ZSCAN5A: variants seen among roughly 807,000 people sequenced by gnomAD.
ZSCAN5A encodes the protein zinc finger and SCAN domain-containing protein 5A.
In ZSCAN5A, 12 loss-of-function variants were observed where a neutral mutation model predicts 23.7. The ratio of observed to expected loss-of-function variants is 0.51; its 90% CI spans 0.32 to 0.82. The LOEUF is 0.82. Among genes scored for constraint, ZSCAN5A ranks in the 40% least tolerant of loss-of-function variants. The pLI is 0.03. For missense variants in ZSCAN5A, 597 were observed against 617.9 expected (o/e 0.97, Z 0.36); for synonymous variants, 257 against 239.9 (o/e 1.07, Z -0.66).
At chr19:56,334,620 G>T (rs2147440757) in intron 2 of ZSCAN5A, among the ~76,000 whole-genome samples, 1 of 152,206 alleles carries the variant, frequency 6.6e-6, no homozygotes, top group East Asian at 1.9e-4. Context: ...CAAATATAGA[G>T]CTCCCAGAGG....
intron 2 of ZSCAN5A, among the ~76,000 whole-genome samples, chr19:56,348,556 G>A (rs1417113170): frequency 1.3e-5 from 2 of 152,178 alleles, no homozygotes; most frequent in African/African-American, 4.8e-5. Context: ...TCAATTAGCT[G>A]AGCTAATAGC....
At chr19:56,302,091 A>G (rs920017516) in intron 2 of ZSCAN5A, 17 of 1,231,740 alleles carry the variant, frequency 1.4e-5, no homozygotes, top group South Asian at 8.2e-5. Context: ...AACAAAGGGG[A>G]CTGGGTAAGA....
At chr19:56,277,562 T>G (rs948594581) in intron 2 of ZSCAN5A, among the ~76,000 whole-genome samples, 3 of 152,044 alleles carry the variant, frequency 2.0e-5, no homozygotes, top group African/African-American at 4.8e-5. Context: ...AGACAATGAC[T>G]AAGGGGTTCA....
intron 2 of ZSCAN5A, among the ~76,000 whole-genome samples, chr19:56,355,541 C>A (rs1456157000): frequency 2.7e-5 from 4 of 148,686 alleles, no homozygotes; most frequent in Admixed American, 6.6e-5. Flanking sequence ...ACTGGAAAAA[C>A]TAAATTAAAA....
At chr19:56,244,044 TG>T in intron 2 of ZSCAN5A, 1 of 910,490 alleles carries the variant, frequency 1.1e-6, no homozygotes, top group Non-Finnish European at 1.8e-6. Context: ...CCACCAGATA[TG>T]GCTGCAAATT....
At chr19:56,233,026 C>T (rs1453231053) in intron 2 of ZSCAN5A, among the ~76,000 whole-genome samples, 1 of 152,116 alleles carries the variant, frequency 6.6e-6, no homozygotes, top group Non-Finnish European at 1.5e-5. Context: ...AAATGTTAAA[C>T]AGAAGTCAGA....
At chr19:56,241,827 T>C (rs1320559602) in intron 2 of ZSCAN5A, among the ~76,000 whole-genome samples, 1 of 152,238 alleles carries the variant, frequency 6.6e-6, no homozygotes, top group Admixed American at 6.5e-5. Context: ...ACTTCTTTTT[T>C]AATTTTTTAA....
chr19:56,224,054 T>G (rs1356633309), intron 3 of ZSCAN5A, among the ~76,000 whole-genome samples: 1 of 151,684 alleles, frequency 6.6e-6, no homozygotes, highest in Non-Finnish European at 1.5e-5. Flanking sequence ...GTTAAGTACA[T>G]AAACATGGGT....
intron 2 of ZSCAN5A, among the ~76,000 whole-genome samples, chr19:56,346,140 T>C (rs1465502421): frequency 6.7e-6 from 1 of 149,560 alleles, no homozygotes; most frequent in Non-Finnish European, 1.5e-5. Flanking sequence ...GAAAAAACCT[T>C]TGCTCAATTA....
chr19:56,232,711 C>T (rs1220452605), intron 2 of ZSCAN5A, among the ~76,000 whole-genome samples: 1 of 151,922 alleles, frequency 6.6e-6, no homozygotes, highest in African/African-American at 2.4e-5. Flanking sequence ...CAGGGTCTTG[C>T]TCTGTTGCCC....
At chr19:56,282,092 T>C (rs537731331) in intron 2 of ZSCAN5A, among the ~76,000 whole-genome samples, 2 of 152,276 alleles carry the variant, frequency 1.3e-5, no homozygotes, top group South Asian at 2.1e-4. Flanking sequence ...TGGTGGGTTT[T>C]AGATGAGAAA....
intron 2 of ZSCAN5A, among the ~76,000 whole-genome samples, chr19:56,341,497 A>G (rs2041591558): frequency 6.6e-6 from 1 of 152,164 alleles, no homozygotes; most frequent in Non-Finnish European, 1.5e-5. Context: ...AATATATTCA[A>G]TATAAGCTCT....
intron 4 of ZSCAN5A, among the ~76,000 whole-genome samples, 167 bp downstream of exon 4, chr19:56,223,464 C>T (rs929452180): frequency 2.0e-5 from 3 of 152,210 alleles, no homozygotes; most frequent in African/African-American, 7.2e-5. Flanking sequence ...GATGAGGCTT[C>T]CCTCTCTGTG....
intron 2 of ZSCAN5A, among the ~76,000 whole-genome samples, chr19:56,291,137 C>T (rs749360068): frequency 2.0e-5 from 3 of 152,114 alleles, no homozygotes; most frequent in Non-Finnish European, 4.4e-5. Flanking sequence ...CTCACAGGAC[C>T]GTTGCCCCAG....
chr19:56,266,150 TAATA>T (rs746876396), intron 2 of ZSCAN5A: 1 of 152,328 alleles, frequency 6.6e-6, no homozygotes. Flanking sequence ...AATTATGAGC[TAATA>T]GATATGAAGT....
In ZSCAN5A at chr19:56,351,577, G is replaced by A. The variant is rs764879246; in HGVS notation, c.-358+11658C>T. ...GTTCCTTTCCCATGTCTCAGTACGG[G>A]GGAGCTGTTCTCTTCTTTCTTCCTT... On this transcript the variant is annotated intron_variant, in intron 2 of 6. Coordinates refer to the ZSCAN5A transcript ENST00000587340. This position sits in a 1 kb window ranked among gnomAD's most constrained non-coding sequence, Gnocchi z 4.8. 9.2e-5 allele frequency among the ~76,000 whole-genome samples: 14 copies of A among 152,080 alleles called. No homozygotes were observed. The highest frequency in any genetic ancestry group is 1.9e-4 in the Non-Finnish European group (13 of 68,022).
At chr19:56,242,547 G>A (rs1057061794) in intron 2 of ZSCAN5A, among the ~76,000 whole-genome samples, 4 of 152,096 alleles carry the variant, frequency 2.6e-5, no homozygotes, top group East Asian at 1.9e-4. Context: ...TCCAGGAAGC[G>A]TAGGTTTTCC....
At chr19:56,260,743 T>C (rs2146853965) in intron 2 of ZSCAN5A, among the ~76,000 whole-genome samples, 1 of 152,242 alleles carries the variant, frequency 6.6e-6, no homozygotes, top group Non-Finnish European at 1.5e-5. Context: ...ACACATGGAA[T>C]TGACAAAAAA....
intron 2 of ZSCAN5A, among the ~76,000 whole-genome samples, chr19:56,294,531 C>T (rs2039731403): frequency 6.6e-6 from 1 of 152,092 alleles, no homozygotes; most frequent in African/African-American, 2.4e-5. Context: ...TAGTAAACAT[C>T]TTAGGCTTTC....
Sources: gnomAD v4.1 joint callset for allele counts (sites outside exome capture counted in the v4.1 genomes callset) on GRCh38, gnomAD v4.1.1 for gene constraint, Gnocchi (gnomAD v3.1) non-coding constraint, MANE v1.5 for transcripts, NCBI Gene and HGNC (gene_info 2026-07-23, HGNC 2026-07-21) for gene names.